Variants in PPP2R2B observed in about 807,000 individuals in gnomAD.
PPP2R2B encodes protein phosphatase 2 regulatory subunit Bbeta, also known as serine/threonine-protein phosphatase 2A 55 kDa regulatory subunit B beta isoform.
PPP2R2B carries 5 observed loss-of-function variants against 46.0 expected under a neutral mutation model. The observed-to-expected ratio is 0.11, with a 90% CI of 0.06 to 0.23. PPP2R2B has a LOEUF of 0.23. Among genes scored for constraint, PPP2R2B ranks in the 10% least tolerant of loss-of-function variants. The probability of loss-of-function intolerance (pLI) is 1.00; values close to 1 mark genes in which losing one functional copy is unlikely to be tolerated. For missense variants in PPP2R2B, 367 were observed against 575.0 expected, an observed-to-expected ratio of 0.64 and a Z score of 3.70; for synonymous variants, 215 against 206.7, an observed-to-expected ratio of 1.04 and a Z score of -0.34.
At chr5:147,072,573 C>T (rs10039580) in intron 2 of PPP2R2B, among the ~76,000 whole-genome samples, 3,277 of 152,178 alleles carry the variant, frequency 0.022, 90 homozygotes, top group African/African-American at 0.064. Flanking sequence ...CAATTTCCTC[C>T]ACCGTAAAAT....
intron 5 of PPP2R2B, among the ~76,000 whole-genome samples, chr5:146,666,606 C>T (rs772288833): frequency 6.6e-6 from 1 of 152,156 alleles, no homozygotes; most frequent in Non-Finnish European, 1.5e-5. Context: ...CCTTTCTTTG[C>T]ACAACAGCAC....
At chr5:147,005,395 G>C (rs936952246) in intron 1 of PPP2R2B, among the ~76,000 whole-genome samples, 6 of 152,226 alleles carry the variant, frequency 3.9e-5, no homozygotes, top group African/African-American at 1.4e-4. Flanking sequence ...AACTGGGAAA[G>C]GGAAAAAGAA....
At chr5:147,001,559 C>G (rs1421286151) in intron 1 of PPP2R2B, among the ~76,000 whole-genome samples, 1 of 152,172 alleles carries the variant, frequency 6.6e-6, no homozygotes, top group Non-Finnish European at 1.5e-5. Context: ...AACTGTAACA[C>G]TCACTGTGAG....
At chr5:146,911,138 C>T (rs532181645) in intron 1 of PPP2R2B, among the ~76,000 whole-genome samples, 105 of 150,358 alleles carry the variant, frequency 7.0e-4, no homozygotes, top group Admixed American at 3.1e-3. Flanking sequence ...AGTTGGAGTG[C>T]AGTAGTGTGA....
chr5:146,981,653 C>T (rs1753183053), intron 1 of PPP2R2B, among the ~76,000 whole-genome samples: 1 of 152,080 alleles, frequency 6.6e-6, no homozygotes, highest in Admixed American at 6.6e-5. Context: ...ACTATCACAA[C>T]CAAATATTGA....
chr5:146,801,786 CT>C (rs1308811646), intron 2 of PPP2R2B, among the ~76,000 whole-genome samples: 1 of 152,184 alleles, frequency 6.6e-6, no homozygotes, highest in Non-Finnish European at 1.5e-5. Context: ...AGAATCCCCA[CT>C]TAATAAATGC....
chr5:146,929,161 A>C (rs928519950), intron 1 of PPP2R2B, among the ~76,000 whole-genome samples: 8 of 151,980 alleles, frequency 5.3e-5, no homozygotes, highest in African/African-American at 1.7e-4. Flanking sequence ...CTTCTTCCAC[A>C]TCCCTCTCAC....
At chr5:146,843,597 T>C (rs1475751573) in intron 2 of PPP2R2B, among the ~76,000 whole-genome samples, 2 of 152,224 alleles carry the variant, frequency 1.3e-5, no homozygotes, top group Non-Finnish European at 2.9e-5. Flanking sequence ...TCTCACTGTC[T>C]ATTTTGGCCA....
chr5:146,835,654 G>T lies in PPP2R2B; in HGVS notation c.70+42348C>A, dbSNP rs530559496. Among the ~76,000 whole-genome samples the T allele has an allele frequency of 6.6e-4, 100 of 152,250 alleles. 1 individual carries two copies. Among genetic ancestry groups the T allele is most frequent in the African/African-American group, 2.4e-3 (100 of 41,552 alleles). ...GAAGAAACTGAAGCCAAGAAAGGTAGCCACAGTGCCTGGGCCAGACAGACC... is the reference window on the plus strand; with the variant it reads ...GAAGAAACTGAAGCCAAGAAAGGTATCCACAGTGCCTGGGCCAGACAGACC... On this transcript the variant is annotated intron_variant, in intron 2 of 9. Transcript: ENST00000394411.
chr5:146,699,440 A>AT (rs1779407992), intron 3 of PPP2R2B, among the ~76,000 whole-genome samples: 1 of 152,134 alleles, frequency 6.6e-6, no homozygotes, highest in African/African-American at 2.4e-5. Flanking sequence ...ACTGACATTT[A>AT]TTTTTTATTG....
intron 2 of PPP2R2B, among the ~76,000 whole-genome samples, chr5:146,766,923 G>A (rs1169934577): frequency 4.0e-5 from 6 of 151,706 alleles, no homozygotes; most frequent in African/African-American, 7.3e-5. Flanking sequence ...GTGAGGTGGC[G>A]CATGCCTGTT....
intron 5 of PPP2R2B, among the ~76,000 whole-genome samples, chr5:146,690,211 T>C (rs1177578244): frequency 6.6e-6 from 1 of 152,230 alleles, no homozygotes; most frequent in Admixed American, 6.5e-5. Context: ...TATCCCAACA[T>C]GTGCCTGCTT....
At chr5:146,922,128 A>G (rs968811467) in intron 1 of PPP2R2B, among the ~76,000 whole-genome samples, 7 of 152,194 alleles carry the variant, frequency 4.6e-5, no homozygotes, top group Non-Finnish European at 1.0e-4. Context: ...TATGGTGCCT[A>G]GTTGAGGGTT....
At chr5:146,647,433 T>G (rs1775661118) in intron 6 of PPP2R2B, among the ~76,000 whole-genome samples, 1 of 152,226 alleles carries the variant, frequency 6.6e-6, no homozygotes, top group Non-Finnish European at 1.5e-5. Context: ...ACTTCAGTGA[T>G]GAGAGGCTCA....
chr5:146,953,792 A>G (rs1042176125), intron 1 of PPP2R2B, among the ~76,000 whole-genome samples: 1 of 152,180 alleles, frequency 6.6e-6, no homozygotes. Context: ...TTCGGTGACT[A>G]TCGGCTACTG....
At chr5:146,881,227 A>T (rs939917096), upstream of PPP2R2B, among the ~76,000 whole-genome samples, 28 of 152,240 alleles carry the variant, frequency 1.8e-4, no homozygotes, top group African/African-American at 6.7e-4. Context: ...CTTGGCATTC[A>T]GCCTCTTAAC....
intron 2 of PPP2R2B, among the ~76,000 whole-genome samples, chr5:146,785,295 C>T (rs1237641523): frequency 6.6e-6 from 1 of 152,172 alleles, no homozygotes; most frequent in Non-Finnish European, 1.5e-5. Flanking sequence ...GCCTGTAACC[C>T]AAGCACTCTA....
At chr5:146,886,069 T>G (rs572439979) in intron 1 of PPP2R2B, among the ~76,000 whole-genome samples, 1,610 of 152,070 alleles carry the variant, frequency 0.011, 32 homozygotes, top group African/African-American at 0.037. Context: ...CCGGGCGCGG[T>G]GGCTCACGCC....
At chr5:147,060,015 C>T (rs1387042286), upstream of PPP2R2B, among the ~76,000 whole-genome samples, 1 of 151,974 alleles carries the variant, frequency 6.6e-6, no homozygotes, top group Non-Finnish European at 1.5e-5. Context: ...TTTCATTTTG[C>T]TATGAAAGAA....
Sources: gnomAD v4.1 joint callset for allele counts (sites outside exome capture counted in the v4.1 genomes callset) on GRCh38, gnomAD v4.1.1 for gene constraint, MANE v1.5 for transcripts, NCBI Gene and HGNC (gene_info 2026-07-23, HGNC 2026-07-21) for gene names.